NRXN1: variants seen among roughly 807,000 people sequenced by gnomAD.
NRXN1 encodes the protein neurexin 1.
In NRXN1, 39 loss-of-function variants were observed where a neutral mutation model predicts 150.9. That is an observed-to-expected ratio of 0.26 (90% CI 0.20 to 0.34). The LOEUF (loss-of-function observed/expected upper bound fraction) is 0.34. NRXN1 is among the 10% of genes least tolerant of loss of function. The pLI, the probability that NRXN1 is intolerant of heterozygous loss-of-function variation, is 1.00. For missense variants in NRXN1, 1,815 were observed against 1,949.9 expected (o/e 0.93, Z 1.30); for synonymous variants, 924 against 757.0 (o/e 1.22, Z -3.62).
At chr2:50,148,724 G>C (rs74362403) in intron 18 of NRXN1, among the ~76,000 whole-genome samples, 1 of 151,806 alleles carries the variant, frequency 6.6e-6, no homozygotes, top group East Asian at 1.9e-4. Flanking sequence ...TCAGAGGATA[G>C]AAACACACAA....
At chr2:50,083,746 G>C (rs376743944) in intron 19 of NRXN1, among the ~76,000 whole-genome samples, 11 of 152,216 alleles carry the variant, frequency 7.2e-5, no homozygotes, top group South Asian at 6.2e-4. Flanking sequence ...GTGCTGATTG[G>C]TACGTTTACA....
chr2:50,236,996 T>C, intron 17 of NRXN1, 26 bp from the exon 18 acceptor site: 5 of 1,609,674 alleles, frequency 3.1e-6, no homozygotes, highest in Non-Finnish European at 4.2e-6. Context: ...CAAAACCAAT[T>C]AGTCCAAATA....
At chr2:50,299,425 T>A (rs975470414) in intron 17 of NRXN1, among the ~76,000 whole-genome samples, 3 of 108,630 alleles carry the variant, frequency 2.8e-5, no homozygotes, top group African/African-American at 6.2e-5. Context: ...TTTTTTTTTT[T>A]AAAACTGACT....
intron 5 of NRXN1, among the ~76,000 whole-genome samples, chr2:50,897,325 C>CT (rs1401988485): frequency 3.9e-5 from 6 of 152,244 alleles, no homozygotes; most frequent in Non-Finnish European, 8.8e-5. Context: ...TCTGAACTTG[C>CT]TACTTTCAAC....
Position 50,552,638 on chromosome 2 carries a change from C to G in NRXN1, c.1708G>C (p.Val570Leu), listed in dbSNP as rs201874756. Reference sequence around the variant, plus strand: ...ACATGATACCATTCTCCATCATTCACTTTCTTCAACAGGGCTTTTATTTTT... The same window carrying G: ...ACATGATACCATTCTCCATCATTCAGTTTCTTCAACAGGGCTTTTATTTTT... ...TIKIKALLKK[V>L]NDGEWYHVDF... The change falls in exon 9 of 23, where the codon GTG becomes CTG. Residue 570 changes from valine (V) to leucine (L), a missense_variant. Coordinates refer to ENST00000401669, the MANE Select transcript of NRXN1 (RefSeq NM_001330078.2). 7.4e-6 allele frequency: 12 copies of G among 1,613,948 alleles called. No homozygotes were observed. Among genetic ancestry groups the G allele is most frequent in the Non-Finnish European group, 1.0e-5 (12 of 1,179,840 alleles).
Position 50,098,556 on chromosome 2 carries a change from A to G in NRXN1, c.3547-7062T>C, listed in dbSNP as rs116453202. Among the ~76,000 whole-genome samples, 971 of 152,240 alleles carry G rather than the reference A, an allele frequency of 6.4e-3. 6 individuals are homozygous for G. Among genetic ancestry groups the G allele is most frequent in the Non-Finnish European group, 1.0e-2 (678 of 68,024 alleles). On this transcript the variant is annotated intron_variant, in intron 18 of 22. Transcript: ENST00000401669. ...CCAGACTACTCACTATGTGCCAGGTATTGAGCTCTATACAATGTATCTCAT... is the reference window on the plus strand; with the variant it reads ...CCAGACTACTCACTATGTGCCAGGTGTTGAGCTCTATACAATGTATCTCAT...
At chr2:49,988,075 T>C (rs1415280759) in intron 21 of NRXN1, among the ~76,000 whole-genome samples, 2 of 152,094 alleles carry the variant, frequency 1.3e-5, no homozygotes, top group African/African-American at 2.4e-5. Flanking sequence ...ACTTAGTAAC[T>C]TGGAAATGAA....
At chr2:50,998,570 A>G (rs1007754201) in intron 2 of NRXN1, among the ~76,000 whole-genome samples, 6 of 152,084 alleles carry the variant, frequency 3.9e-5, no homozygotes, top group Non-Finnish European at 5.9e-5. Flanking sequence ...CACAACATAC[A>G]GAAATCCTAT....
chr2:50,840,516 C>T (rs1405861064), intron 5 of NRXN1, among the ~76,000 whole-genome samples: 1 of 152,042 alleles, frequency 6.6e-6, no homozygotes, highest in East Asian at 1.9e-4. Context: ...ATGCTGAGGG[C>T]CTCAAGGAAA....
chr2:49,983,368 TC>T (rs1226633132), intron 21 of NRXN1, among the ~76,000 whole-genome samples: 3 of 152,186 alleles, frequency 2.0e-5, no homozygotes, highest in Non-Finnish European at 2.9e-5. Context: ...GATACTCAAG[TC>T]AAAATCTGTG....
intron 18 of NRXN1, among the ~76,000 whole-genome samples, chr2:50,211,628 G>A (rs930339067): frequency 2.6e-5 from 4 of 151,232 alleles, no homozygotes; most frequent in Non-Finnish European, 5.9e-5. Flanking sequence ...AGGTAAACTT[G>A]AATGAAACCT....
chr2:49,979,224 G>T (rs2152505236), intron 21 of NRXN1, among the ~76,000 whole-genome samples: 1 of 152,284 alleles, frequency 6.6e-6, no homozygotes, highest in South Asian at 2.1e-4. Flanking sequence ...TTGAACCCAG[G>T]AGGTGGAGGT....
chr2:50,887,905 A>G (rs1252584763), intron 5 of NRXN1, among the ~76,000 whole-genome samples: 1 of 151,306 alleles, frequency 6.6e-6, no homozygotes, highest in Non-Finnish European at 1.5e-5. Context: ...AAATTGTAAA[A>G]TAGTTATTTT....
chr2:50,383,105 G>C (rs1437283175), intron 17 of NRXN1, among the ~76,000 whole-genome samples: 1 of 152,092 alleles, frequency 6.6e-6, no homozygotes, highest in East Asian at 1.9e-4. Context: ...GGGCCAATCA[G>C]GTTGTGCAGA....
rs117579803 is a variant in NRXN1 at position 50,819,351 on chromosome 2, G to C, written c.832+102518C>G. Among the ~76,000 whole-genome samples, 336 of 152,258 alleles carry C rather than the reference G, an allele frequency of 2.2e-3. 6 individuals are homozygous for C. Among genetic ancestry groups the C allele is most frequent in the East Asian group, 0.014 (71 of 5,170 alleles). On this transcript the variant is annotated intron_variant, in intron 5 of 22. Transcript: ENST00000401669. ...TACAATGAAATATTATTCTTCCTTA[G>C]AGAAATAGGAACATCTTGTTATATG...
At chr2:50,195,596 G>C (rs974417631) in intron 18 of NRXN1, among the ~76,000 whole-genome samples, 2 of 151,996 alleles carry the variant, frequency 1.3e-5, no homozygotes, top group African/African-American at 4.8e-5. Context: ...ATCTTACAAA[G>C]ACAGCCTTCT....
chr2:50,166,741 A>G (rs1279636790), intron 18 of NRXN1, among the ~76,000 whole-genome samples: 2 of 152,218 alleles, frequency 1.3e-5, no homozygotes, highest in Non-Finnish European at 2.9e-5. Flanking sequence ...CAATTAATAT[A>G]TAATATCTGA....
chr2:50,497,790 C>T, intron 13 of NRXN1, 76 bp from the exon 14 acceptor site: 1 of 1,395,848 alleles, frequency 7.2e-7, no homozygotes. Flanking sequence ...ATAACAATAT[C>T]ACATTCTAAA....
intron 18 of NRXN1, among the ~76,000 whole-genome samples, chr2:50,229,226 T>C (rs2064702588): frequency 6.6e-6 from 1 of 152,048 alleles, no homozygotes; most frequent in South Asian, 2.1e-4. Flanking sequence ...ATCACCATCA[T>C]CATCTTGTTT....
Sources: gnomAD v4.1 joint callset for allele counts (sites outside exome capture counted in the v4.1 genomes callset) on GRCh38, gnomAD v4.1.1 for gene constraint, MANE v1.5 for transcripts, NCBI Gene and HGNC (gene_info 2026-07-23, HGNC 2026-07-21) for gene names.